Variants in NRIP1 observed in about 807,000 individuals in gnomAD.
NRIP1 encodes nuclear receptor-interacting protein 1.
In NRIP1, 28 loss-of-function variants were observed where a neutral mutation model predicts 75.0. That is an observed-to-expected ratio of 0.37 (90% CI 0.28 to 0.51). NRIP1 has a LOEUF of 0.51. Among genes scored for constraint, NRIP1 ranks in the 20% least tolerant of loss-of-function variants. NRIP1 has a pLI of 0.92. For synonymous variants in NRIP1, 526 were observed against 487.6 expected, an observed-to-expected ratio of 1.08 and a Z score of -1.04; for missense variants, 1,435 against 1,343.7, an observed-to-expected ratio of 1.07 and a Z score of -1.06.
rs1180053708 is a variant in NRIP1 at position 14,963,836 on chromosome 21, TTAAC to T, written c.*876_*879del. The stretch of plus-strand genomic sequence containing the variant: ...GCAGGTACCACAGGAATGGTGAGAA[TTAAC>T]TTTTACAAGAGATGGTGAAAACTGT... On this transcript the variant is annotated 3_prime_UTR_variant, in exon 4 of 4. Coordinates refer to ENST00000318948, the MANE Select transcript of NRIP1 (RefSeq NM_003489.4). 1 of 152,270 alleles carries T rather than the reference TTAAC, an allele frequency of 6.6e-6. No homozygotes were observed. Among genetic ancestry groups the T allele is most frequent in the Non-Finnish European group, 1.5e-5 (1 of 68,024 alleles). The allele number at this position is 152,270 out of a possible 1,614,324, so 9.4% of individuals were successfully genotyped here. A position where few individuals can be genotyped will look rare whatever the true frequency, so the allele number is the denominator to read the frequency against.
rs2086601931 is a variant in NRIP1 at position 14,962,014 on chromosome 21, A to T, written c.*2702T>A. On this transcript the variant is annotated 3_prime_UTR_variant, in exon 4 of 4. Coordinates refer to ENST00000318948, the MANE Select transcript of NRIP1 (RefSeq NM_003489.4). Reference sequence around the variant, plus strand: ...CAAGTCAATATATATATATATACATATTATATATATATATATATATATATA... The same window carrying T: ...CAAGTCAATATATATATATATACATTTTATATATATATATATATATATATA... 1.8e-5 allele frequency: 1 copy of T among 55,554 alleles called. No homozygotes were observed. The highest frequency in any genetic ancestry group is 2.9e-5 in the Non-Finnish European group (1 of 34,450). The allele number at this position is 55,554 out of a possible 1,614,324, so 3.4% of individuals were successfully genotyped here.
chr21:14,966,569 T>C lies in NRIP1; in HGVS notation c.1624A>G (p.Ser542Gly), dbSNP rs200410386. ...QNYARTSVIE[S>G]PSTNRTTPVS... ...GGAGTAGTCCGATTTGTACTGGGGC[T>C]TTCTATCACAGAAGTCCTTGCATAA... Residue 542 changes from serine (S) to glycine (G), a missense_variant, in exon 4 of 4, where the codon AGC (serine) becomes GGC (glycine). Transcript: ENST00000318948. 2 of 1,614,130 alleles carry C rather than the reference T, an allele frequency of 1.2e-6. No homozygotes were observed. Among genetic ancestry groups the C allele is most frequent in the Non-Finnish European group, 1.7e-6 (2 of 1,180,006 alleles).
rs1379590839 is a variant in NRIP1, at chr21:14,962,134, T to A, written c.*2582A>T. On this transcript the variant is annotated 3_prime_UTR_variant, in exon 4 of 4. Transcript: ENST00000318948. ...CTACCTTACTGATGTCAATAAGCTG[T>A]AGTACCCTTTCACAAATGACTTTAT... is the stretch of plus-strand genomic sequence containing the variant. 6.6e-6 allele frequency: 1 copy of A among 150,882 alleles called. No individual in the cohort carries two copies. The highest frequency in any genetic ancestry group is 1.5e-5 in the Non-Finnish European group (1 of 67,618). 9.3% of individuals were successfully genotyped at this position (150,882 alleles called of 1,614,324 possible). A position where few individuals can be genotyped will look rare whatever the true frequency, so the allele number is the denominator to read the frequency against.
At chr21:15,045,328 A>T (rs2089046952) in intron 1 of NRIP1, among the ~76,000 whole-genome samples, 1 of 152,208 alleles carries the variant, frequency 6.6e-6, no homozygotes, top group South Asian at 2.1e-4. Flanking sequence ...AGATCACTAA[A>T]ATAAAGCAAA....
rs2086612017 is a variant in NRIP1, at chr21:14,962,234, T to G, written c.*2482A>C. On this transcript the variant is annotated 3_prime_UTR_variant, in exon 4 of 4. Transcript: ENST00000318948. ...GTGCATCCTTGTATCTACATATGCA[T>G]AAACAAAGTGAATCTGTGGATGTAT... The G allele has an allele frequency of 6.6e-6, 1 of 151,814 alleles. No homozygotes were observed. The highest frequency in any genetic ancestry group is 2.1e-4 in the South Asian group (1 of 4,822). 9.4% of individuals were successfully genotyped at this position (151,814 alleles called of 1,614,324 possible). A position where few individuals can be genotyped will look rare whatever the true frequency, so the allele number is the denominator to read the frequency against.
intron 1 of NRIP1, among the ~76,000 whole-genome samples, chr21:15,057,169 T>TA (rs34452031): frequency 0.21 from 31,105 of 150,418 alleles, 3,868 homozygotes; most frequent in African/African-American, 0.34. Context: ...ATAGGGTAAT[T>TA]AAAAAAAAAA....
intron 2 of NRIP1, among the ~76,000 whole-genome samples, chr21:15,037,016 AC>A (rs2088850104): frequency 6.6e-6 from 1 of 152,188 alleles, no homozygotes; most frequent in African/African-American, 2.4e-5. Context: ...GTCTATAGTA[AC>A]TTATAAGGAA....
intron 2 of NRIP1, among the ~76,000 whole-genome samples, chr21:15,021,670 C>A (rs942272142): frequency 4.6e-5 from 7 of 151,856 alleles, no homozygotes; most frequent in Admixed American, 2.0e-4. Context: ...GGTCTCATAT[C>A]CAGAGTTTAC....
chr21:14,966,260 C>G lies in NRIP1; in HGVS notation c.1933G>C (p.Val645Leu), dbSNP rs150623834. The change falls in exon 4 of 4, where the codon GTG becomes CTG. Residue 645 changes from valine (V) to leucine (L), a missense_variant. Transcript: ENST00000318948. ...AQCGMQSSMS[V>L]EEQRPSKQLL... ...TGTTTGCTGGGTCTCTGCTCTTCCA[C>G]TGACATGGATGACTGCATTCCACAT... The G allele has an allele frequency of 2.1e-4, 342 of 1,613,976 alleles. No homozygotes were observed. Among genetic ancestry groups the G allele is most frequent in the Non-Finnish European group, 2.7e-4 (314 of 1,179,978 alleles).
chr21:15,018,831 G>GA (rs2088298747), intron 2 of NRIP1, among the ~76,000 whole-genome samples: 1 of 152,082 alleles, frequency 6.6e-6, no homozygotes, highest in South Asian at 2.1e-4. Context: ...ATTACAATGA[G>GA]AAAAAATATG....
chr21:15,010,287 A>C (rs1347904341), intron 3 of NRIP1, among the ~76,000 whole-genome samples: 5 of 152,322 alleles, frequency 3.3e-5, no homozygotes, highest in African/African-American at 4.8e-5. Flanking sequence ...TCAGTGAAAA[A>C]AGACCAGGGT....
intron 3 of NRIP1, among the ~76,000 whole-genome samples, chr21:14,973,814 A>G (rs1180580517): frequency 2.0e-5 from 3 of 150,970 alleles, no homozygotes; most frequent in Non-Finnish European, 4.4e-5. Flanking sequence ...GCAGCCGGGA[A>G]TACAGGTGTG....
intron 2 of NRIP1, among the ~76,000 whole-genome samples, chr21:15,041,346 G>T (rs1430180264): frequency 6.6e-6 from 1 of 152,080 alleles, no homozygotes; most frequent in Admixed American, 6.5e-5. Context: ...GGATCGATTA[G>T]AAAATACACA....
intron 3 of NRIP1, among the ~76,000 whole-genome samples, chr21:14,997,630 G>A (rs368520326): frequency 7.3e-5 from 11 of 151,094 alleles, no homozygotes; most frequent in South Asian, 2.1e-4. Context: ...AATCTTACAC[G>A]TAGACACACA....
At chr21:15,014,279 T>C (rs534931510) in intron 3 of NRIP1, 65 bp downstream of exon 3, 3 of 394,218 alleles carry the variant, frequency 7.6e-6, no homozygotes, top group Middle Eastern at 6.4e-4. Flanking sequence ...TGAGAAAGAA[T>C]TGTCTGAAAT....
intron 3 of NRIP1, among the ~76,000 whole-genome samples, chr21:15,002,711 A>G (rs1248140837): frequency 6.6e-6 from 1 of 152,184 alleles, no homozygotes; most frequent in Non-Finnish European, 1.5e-5. Context: ...TTTTAAAACT[A>G]GGCATTTTTC....
intron 3 of NRIP1, among the ~76,000 whole-genome samples, chr21:14,994,130 TG>T (rs1180020310): frequency 2.6e-5 from 4 of 151,222 alleles, no homozygotes; most frequent in African/African-American, 7.3e-5. Context: ...TTTTTGGGGG[TG>T]GGGTGGGGGC....
intron 3 of NRIP1, among the ~76,000 whole-genome samples, chr21:15,007,022 T>C (rs2087989558): frequency 6.6e-6 from 1 of 151,988 alleles, no homozygotes. Context: ...GGTCCAGAAA[T>C]AGCACTCAAA....
intron 2 of NRIP1, among the ~76,000 whole-genome samples, chr21:15,026,097 G>A (rs1384123598): frequency 1.3e-5 from 2 of 152,044 alleles, no homozygotes; most frequent in African/African-American, 4.8e-5. Flanking sequence ...TTTATTCATG[G>A]GAAATAAGTC....
Sources: gnomAD v4.1 joint callset for allele counts (sites outside exome capture counted in the v4.1 genomes callset) on GRCh38, gnomAD v4.1.1 for gene constraint, MANE v1.5 for transcripts, NCBI Gene and HGNC (gene_info 2026-07-23, HGNC 2026-07-21) for gene names.